WDPCP: variants seen among roughly 807,000 people sequenced by gnomAD.
WDPCP encodes the protein WD repeat containing planar cell polarity effector.
In WDPCP, 71 loss-of-function variants were observed where a neutral mutation model predicts 93.1. That is an observed-to-expected ratio of 0.76 (90% CI 0.63 to 0.93). WDPCP has a LOEUF of 0.93. Ranked by LOEUF, WDPCP falls within the 40% of genes least tolerant of loss-of-function variation. WDPCP has a pLI of 0.00. For synonymous variants in WDPCP, 315 were observed against 315.0 expected (o/e 1.00, Z 0.00); for missense variants, 844 against 887.4 (o/e 0.95, Z 0.62).
chr2:63,737,337 C>G (rs1027907238), intron 2 of WDPCP, among the ~76,000 whole-genome samples: 61 of 152,320 alleles, frequency 4.0e-4, no homozygotes, highest in African/African-American at 1.3e-3. Flanking sequence ...ACAAGCTGCA[C>G]TCTCCATGTC....
chr2:63,722,093 C>T (rs1669425063), intron 2 of WDPCP, among the ~76,000 whole-genome samples: 1 of 152,164 alleles, frequency 6.6e-6, no homozygotes, highest in Admixed American at 6.5e-5. Context: ...CTCCACCTCC[C>T]CGCCGCCTGC....
chr2:63,375,744 A>G (rs1043203318), intron 12 of WDPCP, among the ~76,000 whole-genome samples: 9 of 151,972 alleles, frequency 5.9e-5, no homozygotes, highest in Non-Finnish European at 4.4e-5. Flanking sequence ...ATACTTGTCT[A>G]TTATCACAAA....
At chr2:63,369,034 A>G (rs1369575756) in intron 12 of WDPCP, 1 of 154,206 alleles carries the variant, frequency 6.5e-6, no homozygotes, top group Non-Finnish European at 1.4e-5. Context: ...AAAAATCATC[A>G]TATCTCTCTT....
chr2:63,386,549 T>G (rs1692745112), intron 10 of WDPCP, among the ~76,000 whole-genome samples: 1 of 152,118 alleles, frequency 6.6e-6, no homozygotes. Context: ...TAATTTCAAG[T>G]GTTAGAACTT....
chr2:63,771,126 T>C (rs980909153), intron 2 of WDPCP, among the ~76,000 whole-genome samples: 6 of 151,692 alleles, frequency 4.0e-5, no homozygotes, highest in African/African-American at 1.5e-4. Context: ...TGAGAATCGC[T>C]GAGCTAATAA....
chr2:63,750,329 A>G (rs1379184886), intron 2 of WDPCP, among the ~76,000 whole-genome samples: 1 of 152,130 alleles, frequency 6.6e-6, no homozygotes, highest in East Asian at 1.9e-4. Context: ...ATGAAATTAA[A>G]AACTCTAATT....
intron 14 of WDPCP, among the ~76,000 whole-genome samples, chr2:63,243,053 A>G (rs1679984237): frequency 1.3e-5 from 2 of 152,194 alleles, no homozygotes; most frequent in South Asian, 2.1e-4. Flanking sequence ...ACTGGGTTTC[A>G]TGGTCTCTTG....
chr2:63,446,980 A>G (rs547766546), intron 6 of WDPCP, among the ~76,000 whole-genome samples: 2 of 152,334 alleles, frequency 1.3e-5, no homozygotes, highest in East Asian at 3.9e-4. Flanking sequence ...CAGTTAATAA[A>G]TCAGTCACAT....
At chr2:63,692,816 T>C (rs1668909130) in intron 2 of WDPCP, among the ~76,000 whole-genome samples, 7 of 152,234 alleles carry the variant, frequency 4.6e-5, no homozygotes, top group Admixed American at 3.3e-4. Context: ...TATTATGTAC[T>C]ATCTTATAAT....
chr2:63,385,008 T>C (rs1380880296), intron 10 of WDPCP, among the ~76,000 whole-genome samples: 5 of 152,038 alleles, frequency 3.3e-5, no homozygotes, highest in African/African-American at 9.7e-5. Context: ...AAATGCAAGG[T>C]TGCTTAAACA....
intron 2 of WDPCP, among the ~76,000 whole-genome samples, chr2:63,811,754 C>G (rs535362732): frequency 6.6e-6 from 1 of 152,158 alleles, no homozygotes; most frequent in African/African-American, 2.4e-5. Context: ...ATTCCTTGTA[C>G]CCTATTCTCC....
intron 14 of WDPCP, among the ~76,000 whole-genome samples, chr2:63,251,785 C>T (rs13014536): frequency 0.51 from 77,479 of 151,616 alleles, 23,394 homozygotes; most frequent in Non-Finnish European, 0.67. Context: ...GCCACCGTGC[C>T]TAGCCAGAAA....
At chr2:63,365,874 T>C (rs941049825) in intron 12 of WDPCP, among the ~76,000 whole-genome samples, 1 of 152,232 alleles carries the variant, frequency 6.6e-6, no homozygotes, top group Non-Finnish European at 1.5e-5. Flanking sequence ...AACACTGTTG[T>C]AAATTTATTT....
intron 2 of WDPCP, among the ~76,000 whole-genome samples, chr2:63,669,548 T>C (rs2106635149): frequency 6.6e-6 from 1 of 151,982 alleles, no homozygotes; most frequent in African/African-American, 2.4e-5. Flanking sequence ...TTAGTAGAGA[T>C]GGGGTTTTGC....
intron 10 of WDPCP, among the ~76,000 whole-genome samples, chr2:63,391,266 C>A (rs778371109): frequency 6.6e-6 from 1 of 152,138 alleles, no homozygotes; most frequent in Non-Finnish European, 1.5e-5. Context: ...TAATCCATCA[C>A]ATAAACAGAA....
At position 63,219,956 on chromosome 2, in the gene WDPCP, C is replaced by T. The variant is rs370372068; in HGVS notation, c.1915+39351G>A. 1.1e-3 allele frequency among the ~76,000 whole-genome samples: 162 copies of T among 152,008 alleles called. 1 individual carries two copies. In the South Asian group the frequency reaches 0.013, roughly 13 times the overall value. On this transcript the variant is annotated intron_variant, in intron 14 of 17. Transcript: ENST00000272321. Reference sequence around the variant, plus strand: ...GGCAGAGGTTGCAGTAAGCCAAGATCGCGCCACTGCAATCCAGCCTGGGCG... The same window carrying T: ...GGCAGAGGTTGCAGTAAGCCAAGATTGCGCCACTGCAATCCAGCCTGGGCG...
At chr2:63,484,520 C>T (rs1004746323) in intron 6 of WDPCP, 84 bp downstream of exon 6, 1 of 1,543,670 alleles carries the variant, frequency 6.5e-7, no homozygotes, top group East Asian at 2.3e-5. Context: ...TGTCCATTAC[C>T]TAACATAACA....
chr2:63,735,289 G>A lies in WDPCP; in HGVS notation n.308+78333C>T, dbSNP rs188864662. Among the ~76,000 whole-genome samples the A allele has an allele frequency of 5.3e-5, 8 of 152,306 alleles. No individual in the cohort carries two copies. In the East Asian group the frequency reaches 1.5e-3, roughly 29 times the overall value. On this transcript the variant is annotated intron_variant and non_coding_transcript_variant, in intron 2 of 4. Coordinates refer to the WDPCP transcript ENST00000467687. ...GAGACCAAGAAAAGCTGGGCAGGCA[G>A]AGAAGGTGATATCAGAACCGTGGCC...
intron 1 of WDPCP, among the ~76,000 whole-genome samples, chr2:63,515,782 G>A (rs948486924): frequency 3.9e-5 from 6 of 152,194 alleles, no homozygotes; most frequent in Non-Finnish European, 2.9e-5. Flanking sequence ...CACTTCGGGA[G>A]GCCGAGGCAG....
Sources: allele counts gnomAD v4.1 joint callset (sites outside exome capture counted in the v4.1 genomes callset), GRCh38; gene constraint gnomAD v4.1.1; transcripts MANE v1.5; gene names NCBI Gene and HGNC (gene_info 2026-07-23, HGNC 2026-07-21).